TMTC2: variants seen among roughly 807,000 people sequenced by gnomAD.
The protein encoded by TMTC2 is protein O-mannosyl-transferase TMTC2.
A neutral mutation model predicts 82.4 loss-of-function variants in TMTC2; 43 were observed. The ratio of observed to expected loss-of-function variants is 0.52; its 90% CI spans 0.41 to 0.67. The LOEUF (loss-of-function observed/expected upper bound fraction) is 0.67. TMTC2 is among the 30% of genes least tolerant of loss of function. The pLI, the probability that TMTC2 is intolerant of heterozygous loss-of-function variation, is 0.00. For synonymous variants in TMTC2, 408 were observed against 381.9 expected, an observed-to-expected ratio of 1.07 and a Z score of -0.80; for missense variants, 919 against 1,012.4, an observed-to-expected ratio of 0.91 and a Z score of 1.25.
At chr12:82,710,414 G>T (rs562201220) in intron 1 of TMTC2, among the ~76,000 whole-genome samples, 5 of 152,250 alleles carry the variant, frequency 3.3e-5, no homozygotes, top group Admixed American at 2.6e-4. Context: ...CTTTAGATCT[G>T]GCTGTCATAA....
chr12:82,799,446 A>G (rs1878889325), intron 1 of TMTC2, among the ~76,000 whole-genome samples: 1 of 152,196 alleles, frequency 6.6e-6, no homozygotes, highest in Non-Finnish European at 1.5e-5. Context: ...CATATCTCTG[A>G]GATTTTCAGA....
At chr12:82,720,729 A>T (rs955917594) in intron 1 of TMTC2, among the ~76,000 whole-genome samples, 1 of 152,108 alleles carries the variant, frequency 6.6e-6, no homozygotes, top group Non-Finnish European at 1.5e-5. Context: ...GCTTGTTGTT[A>T]TCTGTCTTTG....
chr12:82,717,484 G>A (rs1393545580), intron 1 of TMTC2, among the ~76,000 whole-genome samples: 1 of 152,002 alleles, frequency 6.6e-6, no homozygotes, highest in African/African-American at 2.4e-5. Flanking sequence ...ACCTGCCTCG[G>A]CCTCCCAAAG....
At chr12:83,060,259 T>C (rs1882691438) in intron 10 of TMTC2, among the ~76,000 whole-genome samples, 1 of 151,716 alleles carries the variant, frequency 6.6e-6, no homozygotes, top group South Asian at 2.1e-4. Flanking sequence ...TATTTTTCAT[T>C]GAAAAATTAG....
chr12:82,828,259 G>T (rs1459737857), intron 1 of TMTC2, among the ~76,000 whole-genome samples: 1 of 147,052 alleles, frequency 6.8e-6, no homozygotes, highest in Non-Finnish European at 1.5e-5. Flanking sequence ...TGTCACCCAG[G>T]CTGGAGTACA....
At chr12:83,022,396 C>T (rs950366669) in intron 8 of TMTC2, among the ~76,000 whole-genome samples, 3 of 123,470 alleles carry the variant, frequency 2.4e-5, no homozygotes, top group Non-Finnish European at 4.8e-5. Flanking sequence ...GTGCATTGCT[C>T]TCTTCCGCAT....
At chr12:82,806,709 A>G (rs952485115) in intron 1 of TMTC2, among the ~76,000 whole-genome samples, 1 of 135,560 alleles carries the variant, frequency 7.4e-6, no homozygotes, top group African/African-American at 2.7e-5. Flanking sequence ...CTTAAGAGAG[A>G]AAAAAATATA....
At chr12:82,871,370 T>A (rs1042558467) in intron 2 of TMTC2, among the ~76,000 whole-genome samples, 8 of 152,018 alleles carry the variant, frequency 5.3e-5, no homozygotes, top group Non-Finnish European at 1.2e-4. Flanking sequence ...AATGATTTTT[T>A]TTTTTTTTCA....
At chr12:83,084,424 A>G (rs548787345) in intron 11 of TMTC2, among the ~76,000 whole-genome samples, 1 of 152,286 alleles carries the variant, frequency 6.6e-6, no homozygotes, top group African/African-American at 2.4e-5. Flanking sequence ...AGTTTTTATT[A>G]AAAACTTGCC....
chr12:82,722,923 A>G (rs1874280198), intron 1 of TMTC2, among the ~76,000 whole-genome samples: 1 of 152,236 alleles, frequency 6.6e-6, no homozygotes. Context: ...CATCTTAAGA[A>G]ACAAAGTGGA....
At chr12:82,950,778 T>C (rs1449985382) in intron 4 of TMTC2, among the ~76,000 whole-genome samples, 2 of 152,232 alleles carry the variant, frequency 1.3e-5, no homozygotes, top group African/African-American at 4.8e-5. Flanking sequence ...TCTCTTTCTT[T>C]AGACTCTTAA....
chr12:82,909,486 C>T (rs182750004), intron 3 of TMTC2, among the ~76,000 whole-genome samples: 18 of 151,880 alleles, frequency 1.2e-4, no homozygotes, highest in Non-Finnish European at 2.2e-4. Flanking sequence ...ATTACAGGCA[C>T]GTGCCACCAC....
intron 2 of TMTC2, among the ~76,000 whole-genome samples, chr12:82,863,854 G>A (rs187030626): frequency 1.3e-5 from 2 of 152,134 alleles, no homozygotes; most frequent in Non-Finnish European, 2.9e-5. Flanking sequence ...GTATGAAGTC[G>A]AGAATAGTGC....
At chr12:82,918,458 A>C (rs1251663947) in intron 3 of TMTC2, among the ~76,000 whole-genome samples, 1 of 152,140 alleles carries the variant, frequency 6.6e-6, no homozygotes, top group Non-Finnish European at 1.5e-5. Context: ...AGATTCTTAC[A>C]TAGAACTCAA....
chr12:82,743,985 A>C (rs1875548629), intron 1 of TMTC2, among the ~76,000 whole-genome samples: 1 of 152,072 alleles, frequency 6.6e-6, no homozygotes, highest in South Asian at 2.1e-4. Flanking sequence ...GTCAGAAAGG[A>C]GGGGGGTGCT....
At chr12:83,023,906 A>AG (rs1273307139) in intron 8 of TMTC2, among the ~76,000 whole-genome samples, 2 of 152,232 alleles carry the variant, frequency 1.3e-5, no homozygotes, top group Admixed American at 6.5e-5. Context: ...ATTTATAGAA[A>AG]GTGGGACTTG....
At chr12:82,709,268 T>C (rs955376344) in intron 1 of TMTC2, among the ~76,000 whole-genome samples, 2 of 152,220 alleles carry the variant, frequency 1.3e-5, no homozygotes, top group Non-Finnish European at 2.9e-5. Context: ...CTGATTCTTA[T>C]GTTTTTCAGG....
chr12:82,744,797 A>G (rs970750099), intron 1 of TMTC2, among the ~76,000 whole-genome samples: 4 of 152,208 alleles, frequency 2.6e-5, no homozygotes, highest in African/African-American at 9.6e-5. Context: ...GCTGCAGACA[A>G]CCAACAGTAT....
At chr12:82,743,446 C>CAAAAA (rs370208896) in intron 1 of TMTC2, among the ~76,000 whole-genome samples, 4 of 83,810 alleles carry the variant, frequency 4.8e-5, no homozygotes, top group Middle Eastern at 8.2e-3. Flanking sequence ...GACTCCGTCT[C>CAAAAA]AAAAAAAAAA....
Sources: gnomAD v4.1 joint callset for allele counts (sites outside exome capture counted in the v4.1 genomes callset) on GRCh38, gnomAD v4.1.1 for gene constraint, MANE v1.5 for transcripts, NCBI Gene and HGNC (gene_info 2026-07-23, HGNC 2026-07-21) for gene names.